MPPED2: variants seen among roughly 807,000 people sequenced by gnomAD.
MPPED2 encodes metallophosphoesterase MPPED2.
A neutral mutation model predicts 33.0 loss-of-function variants in MPPED2; 5 were observed. The ratio of observed to expected loss-of-function variants is 0.15; its 90% CI spans 0.08 to 0.32. MPPED2 has a LOEUF of 0.32. Ranked by LOEUF, MPPED2 falls within the 10% of genes least tolerant of loss-of-function variation. The probability of loss-of-function intolerance (pLI) is 1.00; values close to 1 mark genes in which losing one functional copy is unlikely to be tolerated. For missense variants in MPPED2, 275 were observed against 372.1 expected (o/e 0.74, Z 2.15); for synonymous variants, 136 against 141.9 (o/e 0.96, Z 0.29).
chr11:30,548,170 G>T (rs957732663), intron 2 of MPPED2, among the ~76,000 whole-genome samples: 1 of 151,956 alleles, frequency 6.6e-6, no homozygotes, highest in African/African-American at 2.4e-5. Context: ...GATAATAATA[G>T]TACTTGCCTC....
intron 4 of MPPED2, among the ~76,000 whole-genome samples, chr11:30,469,625 C>CA (rs1950864912): frequency 6.6e-6 from 1 of 152,132 alleles, no homozygotes; most frequent in Admixed American, 6.5e-5. Context: ...TAAAGGTACT[C>CA]AAGGAGCAGG....
In MPPED2 at chr11:30,437,105, G is replaced by A. The variant is rs189435202; in HGVS notation, c.537-19472C>T. On this transcript the variant is annotated intron_variant, in intron 4 of 6. Transcript: ENST00000358117. ...ATCAGATTTAAGTGGCCTCTATCAG[G>A]AAATTAACTTTAATGAATATTGTCA... is the stretch of plus-strand genomic sequence containing the variant. 2.8e-3 allele frequency among the ~76,000 whole-genome samples: 419 copies of A among 152,270 alleles called. 2 individuals carry two copies. The highest frequency in any genetic ancestry group is 9.7e-3 in the African/African-American group (401 of 41,554).
intron 2 of MPPED2, among the ~76,000 whole-genome samples, chr11:30,540,783 A>G (rs536159399): frequency 4.7e-4 from 72 of 152,264 alleles, no homozygotes; most frequent in African/African-American, 1.6e-3. Context: ...TAACAAGAAA[A>G]TAAGAACCCA....
intron 4 of MPPED2, among the ~76,000 whole-genome samples, chr11:30,479,981 T>C (rs1951406915): frequency 6.6e-6 from 1 of 152,172 alleles, no homozygotes; most frequent in African/African-American, 2.4e-5. Flanking sequence ...TTTATGTCAG[T>C]AGCAGATTCT....
chr11:30,389,092 G>C, intron 6 of MPPED2: 1 of 1,264,628 alleles, frequency 7.9e-7, no homozygotes, highest in Non-Finnish European at 1.0e-6. Context: ...CTCTCTAGAG[G>C]ACCAACTGTG....
chr11:30,386,770 T>C (rs1947707337), exon 7 of MPPED2: 1 of 398,428 alleles, frequency 2.5e-6, no homozygotes, highest in Non-Finnish European at 4.4e-6. Flanking sequence ...TTATGCTGGG[T>C]GCATAGTCCA....
chr11:30,438,994 G>A (rs2133886707), intron 4 of MPPED2, among the ~76,000 whole-genome samples: 1 of 152,306 alleles, frequency 6.6e-6, no homozygotes, highest in South Asian at 2.1e-4. Context: ...CAAGACTCCA[G>A]CCAAGGAGAA....
rs2133729081 is a variant in MPPED2 at position 30,411,267 on chromosome 11, AC to A, written c.*200del. 2 of 1,214,606 alleles carry A rather than the reference AC, an allele frequency of 1.6e-6. No individual in the cohort carries two copies. Among genetic ancestry groups the A allele is most frequent in the East Asian group, 6.7e-5 (2 of 29,824 alleles). The allele number at this position is 1,214,606 out of a possible 1,614,324, so 75.2% of individuals were successfully genotyped here. A position where few individuals can be genotyped will look rare whatever the true frequency, so the allele number is the denominator to read the frequency against. Reference sequence around the variant, plus strand: ...AAAACAGAAGTCATTTTACAAATTCACAATGTTCCTCTGATTTCAAATGGAT... The same window carrying A: ...AAAACAGAAGTCATTTTACAAATTCAAATGTTCCTCTGATTTCAAATGGAT... On this transcript the variant is annotated 3_prime_UTR_variant, in exon 7 of 7. Transcript: ENST00000358117.
chr11:30,559,825 T>A (rs759001434), intron 2 of MPPED2, among the ~76,000 whole-genome samples: 43 of 152,246 alleles, frequency 2.8e-4, no homozygotes, highest in Non-Finnish European at 5.1e-4. Context: ...TGGCATGCCT[T>A]TTCTTTTTGA....
At chr11:30,477,834 G>A (rs1480427326) in intron 4 of MPPED2, among the ~76,000 whole-genome samples, 1 of 151,936 alleles carries the variant, frequency 6.6e-6, no homozygotes, top group African/African-American at 2.4e-5. Flanking sequence ...CGGTAGCTCG[G>A]ATCTCAGTTT....
intron 6 of MPPED2, among the ~76,000 whole-genome samples, chr11:30,396,031 GA>G (rs1299357435): frequency 6.6e-6 from 1 of 152,066 alleles, no homozygotes; most frequent in Non-Finnish European, 1.5e-5. Context: ...TTATCATACT[GA>G]GATGCTTGCT....
At chr11:30,457,628 C>A (rs903888910) in intron 4 of MPPED2, among the ~76,000 whole-genome samples, 1 of 152,172 alleles carries the variant, frequency 6.6e-6, no homozygotes, top group Non-Finnish European at 1.5e-5. Flanking sequence ...TATTTCACAA[C>A]CTTTATGTTG....
chr11:30,495,011 C>T (rs935056639), intron 4 of MPPED2: 1 of 349,708 alleles, frequency 2.9e-6, no homozygotes, highest in African/African-American at 2.1e-5. Context: ...GGAATTTTAT[C>T]AGTGGGAGGT....
intron 3 of MPPED2, among the ~76,000 whole-genome samples, chr11:30,498,173 C>T (rs1368728476): frequency 6.6e-6 from 1 of 151,870 alleles, no homozygotes; most frequent in African/African-American, 2.4e-5. Context: ...CAAAGAGGTG[C>T]CTGCCTTTTT....
At chr11:30,489,910 A>ATTTT (rs11411621) in intron 4 of MPPED2, among the ~76,000 whole-genome samples, 1 of 149,092 alleles carries the variant, frequency 6.7e-6, no homozygotes, top group Non-Finnish European at 1.5e-5. Context: ...TAGTATGTGG[A>ATTTT]TTTTTTTTTT....
chr11:30,453,750 C>G (rs1038996602), intron 4 of MPPED2, among the ~76,000 whole-genome samples: 5 of 152,182 alleles, frequency 3.3e-5, no homozygotes, highest in Non-Finnish European at 7.3e-5. Context: ...CTCTGTTTCC[C>G]CACTTGGCTT....
At chr11:30,439,925 T>C (rs1413636297) in intron 4 of MPPED2, among the ~76,000 whole-genome samples, 1 of 152,228 alleles carries the variant, frequency 6.6e-6, no homozygotes, top group Admixed American at 6.5e-5. Context: ...GTTCTGTTAA[T>C]CCTACAGGCA....
At chr11:30,523,621 CTTTTTTTTTTT>C (rs755853042) in intron 3 of MPPED2, among the ~76,000 whole-genome samples, 2 of 104,574 alleles carry the variant, frequency 1.9e-5, no homozygotes, top group Non-Finnish European at 3.7e-5. Context: ...AGCAACACAT[CTTTTTTTTTTT>C]TTTTTTTTTT....
At chr11:30,581,937 A>C (rs904319724) in intron 1 of MPPED2, among the ~76,000 whole-genome samples, 1 of 152,188 alleles carries the variant, frequency 6.6e-6, no homozygotes, top group African/African-American at 2.4e-5. Context: ...CATGGGAGGT[A>C]TGAGTCTTTT....
Sources: allele counts gnomAD v4.1 joint callset (sites outside exome capture counted in the v4.1 genomes callset), GRCh38; gene constraint gnomAD v4.1.1; transcripts MANE v1.5; gene names NCBI Gene and HGNC (gene_info 2026-07-23, HGNC 2026-07-21).